Variants in KCNH5 observed in about 807,000 individuals in gnomAD.
KCNH5 encodes the protein potassium voltage-gated channel subfamily H member 5.
KCNH5 carries 46 observed loss-of-function variants against 96.1 expected under a neutral mutation model. That is an observed-to-expected ratio of 0.48 (90% CI 0.38 to 0.61). KCNH5 has a LOEUF of 0.61. KCNH5 is among the 20% of genes least tolerant of loss of function. The probability of loss-of-function intolerance (pLI) is 0.00; values close to 1 mark genes in which losing one functional copy is unlikely to be tolerated. For missense variants in KCNH5, 907 were observed against 1,225.8 expected, an observed-to-expected ratio of 0.74 and a Z score of 3.88; for synonymous variants, 439 against 449.8, an observed-to-expected ratio of 0.98 and a Z score of 0.30.
At chr14:62,728,862 CG>C (rs1884991230) in intron 10 of KCNH5, among the ~76,000 whole-genome samples, 1 of 151,986 alleles carries the variant, frequency 6.6e-6, no homozygotes, top group South Asian at 2.1e-4. Flanking sequence ...CTAGAAGGAA[CG>C]GGGCAGAGAG....
chr14:62,913,850 C>T (rs1178428357), intron 7 of KCNH5, among the ~76,000 whole-genome samples: 2 of 152,146 alleles, frequency 1.3e-5, no homozygotes, highest in East Asian at 3.9e-4. Flanking sequence ...AAAAATTACT[C>T]TTGGCTTTCA....
Position 62,702,216 on chromosome 14 carries a change from A to C in KCNH5, c.*5292T>G, listed in dbSNP as rs140428077. On this transcript the variant is annotated 3_prime_UTR_variant, in exon 11 of 11. Transcript: ENST00000322893. ...GCCGATGTCTTTCAACTGTTAGGAGAAGTAAAGGAAAATTCCACTGTTGGG... is the reference window on the plus strand; with the variant it reads ...GCCGATGTCTTTCAACTGTTAGGAGCAGTAAAGGAAAATTCCACTGTTGGG... 457 of 152,180 alleles carry C rather than the reference A, an allele frequency of 3.0e-3. 1 individual carries two copies. The highest frequency in any genetic ancestry group is 0.01 in the African/African-American group (429 of 41,558). The allele number at this position is 152,180 out of a possible 1,614,324, so 9.4% of individuals were successfully genotyped here. A position where few individuals can be genotyped will look rare whatever the true frequency, so the allele number is the denominator to read the frequency against.
At chr14:62,891,659 A>T (rs575897152) in intron 7 of KCNH5, among the ~76,000 whole-genome samples, 8 of 152,300 alleles carry the variant, frequency 5.3e-5, no homozygotes, top group African/African-American at 1.9e-4. Flanking sequence ...TCGTTTTGCA[A>T]ATTAAAGGTT....
chr14:62,840,496 CTCTT>C (rs370805719), intron 8 of KCNH5, among the ~76,000 whole-genome samples: 104 of 150,152 alleles, frequency 6.9e-4, no homozygotes, highest in African/African-American at 2.5e-3. Flanking sequence ...CCAGATGCAT[CTCTT>C]TCTTTTTTCT....
intron 1 of KCNH5, among the ~76,000 whole-genome samples, chr14:63,023,128 G>T (rs1412427099): frequency 6.6e-6 from 1 of 151,890 alleles, no homozygotes; most frequent in Non-Finnish European, 1.5e-5. Context: ...GCTGGAACAT[G>T]GGAGGTGGAG....
chr14:62,737,775 A>G (rs900077692), intron 10 of KCNH5, among the ~76,000 whole-genome samples: 2 of 152,122 alleles, frequency 1.3e-5, no homozygotes, highest in East Asian at 3.9e-4. Context: ...AAAATGTCTA[A>G]AAACAGAAGC....
At chr14:62,853,480 T>TATA (rs1887863259) in intron 7 of KCNH5, among the ~76,000 whole-genome samples, 1 of 48,786 alleles carries the variant, frequency 2.0e-5, no homozygotes, top group Non-Finnish European at 4.5e-5. Context: ...TATATATATA[T>TATA]CATATATATA....
intron 10 of KCNH5, among the ~76,000 whole-genome samples, chr14:62,742,906 G>A (rs541982761): frequency 6.6e-6 from 1 of 152,214 alleles, no homozygotes; most frequent in African/African-American, 2.4e-5. Context: ...CTGGTACCGG[G>A]GCTTAGGATT....
At chr14:62,814,157 T>A (rs536623039) in intron 8 of KCNH5, among the ~76,000 whole-genome samples, 50 of 152,356 alleles carry the variant, frequency 3.3e-4, no homozygotes, top group African/African-American at 1.2e-3. Context: ...TGACTAGACT[T>A]CATATATAAA....
At chr14:62,843,796 A>G (rs1353681548) in intron 8 of KCNH5, among the ~76,000 whole-genome samples, 1 of 152,158 alleles carries the variant, frequency 6.6e-6, no homozygotes, top group African/African-American at 2.4e-5. Flanking sequence ...ACTATGATAT[A>G]TACCATCACG....
chr14:62,716,895 A>G (rs890811655), intron 10 of KCNH5, among the ~76,000 whole-genome samples: 2 of 152,184 alleles, frequency 1.3e-5, no homozygotes, highest in Non-Finnish European at 2.9e-5. Flanking sequence ...CATATAGAAA[A>G]TCTTAAGAAA....
chr14:62,763,971 A>G (rs377618440), intron 10 of KCNH5, among the ~76,000 whole-genome samples: 2 of 152,094 alleles, frequency 1.3e-5, no homozygotes, highest in Non-Finnish European at 2.9e-5. Flanking sequence ...AAAAGCTGGT[A>G]CCAATACTAT....
intron 10 of KCNH5, among the ~76,000 whole-genome samples, chr14:62,773,534 G>T (rs1053385467): frequency 3.3e-5 from 5 of 152,174 alleles, no homozygotes; most frequent in Non-Finnish European, 5.9e-5. Flanking sequence ...TGTGTTATGG[G>T]CTGGATGGAT....
At chr14:62,937,226 T>A (rs1889702065) in intron 7 of KCNH5, among the ~76,000 whole-genome samples, 1 of 152,068 alleles carries the variant, frequency 6.6e-6, no homozygotes, top group Non-Finnish European at 1.5e-5. Context: ...ACCCTCATGT[T>A]TTGCTGGTCT....
intron 7 of KCNH5, among the ~76,000 whole-genome samples, chr14:62,872,458 A>T (rs190418168): frequency 2.4e-4 from 36 of 152,332 alleles, no homozygotes; most frequent in African/African-American, 8.7e-4. Context: ...TGGGAGGCTG[A>T]GGCGTGCAGA....
intron 7 of KCNH5, among the ~76,000 whole-genome samples, chr14:62,902,387 T>A (rs1888945338): frequency 6.6e-6 from 1 of 152,084 alleles, no homozygotes. Context: ...TGAATTAATT[T>A]TTCTATGTGG....
Position 62,832,043 on chromosome 14 carries a change from C to T in KCNH5, c.1569+17610G>A, listed in dbSNP as rs150211855. Among the ~76,000 whole-genome samples the T allele has an allele frequency of 4.2e-4, 64 of 152,200 alleles. 1 individual carries two copies. In the East Asian group the frequency reaches 8.3e-3, roughly 20 times the overall value. On this transcript the variant is annotated intron_variant, in intron 8 of 10. Coordinates refer to ENST00000322893, the MANE Select transcript of KCNH5 (RefSeq NM_139318.5). ...TACTAACTTCAATAGTTACATTTAT[C>T]GATATTTCTTTACCATTTAGCCCAC... is the stretch of plus-strand genomic sequence containing the variant.
intron 10 of KCNH5, among the ~76,000 whole-genome samples, chr14:62,769,553 T>C (rs1402620002): frequency 6.6e-6 from 1 of 152,246 alleles, no homozygotes; most frequent in Non-Finnish European, 1.5e-5. Context: ...GACAAGCTGG[T>C]GCTGCAGGAC....
At chr14:62,955,606 G>C (rs577381498) in intron 6 of KCNH5, among the ~76,000 whole-genome samples, 60 of 152,232 alleles carry the variant, frequency 3.9e-4, no homozygotes, top group Admixed American at 1.2e-3. Flanking sequence ...TCTATACCTA[G>C]AGTATAATGT....
Sources: allele counts gnomAD v4.1 joint callset (sites outside exome capture counted in the v4.1 genomes callset), GRCh38; gene constraint gnomAD v4.1.1; transcripts MANE v1.5; gene names NCBI Gene and HGNC (gene_info 2026-07-23, HGNC 2026-07-21).